AJAP1: variants seen among roughly 807,000 people sequenced by gnomAD.
The protein encoded by AJAP1 is adherens junctions associated protein 1.
In AJAP1, 5 loss-of-function variants were observed where a neutral mutation model predicts 35.0. The ratio of observed to expected loss-of-function variants is 0.14; its 90% confidence interval spans 0.07 to 0.30. The LOEUF is 0.30. Among genes scored for constraint, AJAP1 ranks in the 10% least tolerant of loss-of-function variants. AJAP1 has a pLI of 1.00. For missense variants in AJAP1, 586 were observed against 571.0 expected (o/e 1.03, Z -0.27); for synonymous variants, 284 against 249.3 (o/e 1.14, Z -1.31).
At chr1:4,756,448 C>G (rs1641434913) in intron 2 of AJAP1, among the ~76,000 whole-genome samples, 1 of 152,202 alleles carries the variant, frequency 6.6e-6, no homozygotes, top group Non-Finnish European at 1.5e-5. Flanking sequence ...GACCAAGATT[C>G]AGCAGCAAGT....
intron 1 of AJAP1, among the ~76,000 whole-genome samples, chr1:4,702,875 G>C (rs572030687): frequency 6.6e-6 from 1 of 152,328 alleles, no homozygotes; most frequent in Non-Finnish European, 1.5e-5. Context: ...GGGGCATTGG[G>C]AGGCAAGCCC....
At chr1:4,762,621 C>G (rs1199304144) in intron 2 of AJAP1, among the ~76,000 whole-genome samples, 1 of 152,240 alleles carries the variant, frequency 6.6e-6, no homozygotes, top group African/African-American at 2.4e-5. Context: ...CCCCTGGACT[C>G]TGTCCCATGC....
intron 2 of AJAP1, among the ~76,000 whole-genome samples, chr1:4,724,168 C>T (rs1366775490): frequency 1.3e-5 from 2 of 152,176 alleles, no homozygotes; most frequent in Non-Finnish European, 2.9e-5. Context: ...ACAGAGGTCA[C>T]GTGTGGTGGC....
chr1:4,691,682 CA>C (rs1411714787), intron 1 of AJAP1, among the ~76,000 whole-genome samples: 2 of 152,084 alleles, frequency 1.3e-5, no homozygotes, highest in Non-Finnish European at 2.9e-5. Context: ...CTCCAGGAGT[CA>C]GGGGGGCTTA....
rs1640320142 is a variant in AJAP1, at chr1:4,713,639, C to G, written c.829+940C>G. On this transcript the variant is annotated intron_variant, in intron 2 of 5. Transcript: ENST00000378191. ...TGGGCACCCCGTCACCCTCACCTCC[C>G]TCCAGTTTTCTCTGCCTCTGTTAAC... Among the ~76,000 whole-genome samples the G allele has an allele frequency of 2.6e-5, 4 of 152,258 alleles. No homozygotes were observed. The South Asian group carries it at 8.3e-4, about 31-fold the overall frequency.
At chr1:4,707,972 T>TG (rs1195425188) in intron 1 of AJAP1, among the ~76,000 whole-genome samples, 2 of 115,386 alleles carry the variant, frequency 1.7e-5, no homozygotes, top group African/African-American at 6.3e-5. Context: ...CGTTTTTTTT[T>TG]TGTTTTTTTT....
At chr1:4,661,539 G>A (rs571516735) in intron 1 of AJAP1, among the ~76,000 whole-genome samples, 78 of 152,322 alleles carry the variant, frequency 5.1e-4, no homozygotes, top group Non-Finnish European at 1.0e-3. Flanking sequence ...GGACTCGAAG[G>A]TCCATTCGTG....
chr1:4,684,633 C>T (rs1316156126), intron 1 of AJAP1, among the ~76,000 whole-genome samples: 4 of 152,148 alleles, frequency 2.6e-5, no homozygotes, highest in South Asian at 2.1e-4. Context: ...TGCAGGCACT[C>T]GCAGCTTCTC....
intron 2 of AJAP1, among the ~76,000 whole-genome samples, chr1:4,753,882 T>A (rs866139532): frequency 6.6e-6 from 1 of 152,248 alleles, no homozygotes; most frequent in African/African-American, 2.4e-5. Context: ...TAACTGCTGT[T>A]TTAAAGGTGG....
chr1:4,678,601 G>T (rs1342165098), intron 1 of AJAP1, among the ~76,000 whole-genome samples: 1 of 152,208 alleles, frequency 6.6e-6, no homozygotes, highest in African/African-American at 2.4e-5. Context: ...AAGCCAGCAA[G>T]GGAGAGAGTA....
In AJAP1 at chr1:4,787,395, C is replaced by T. The variant is rs190591154; in HGVS notation, c.*4910C>T. On this transcript the variant is annotated 3_prime_UTR_variant, in exon 6 of 6. Transcript: ENST00000378191. The stretch of plus-strand genomic sequence containing the variant: ...AAGAAAGAGAGGCAGGGGTTGTCTA[C>T]GTCTCCTCCTCCTGCGACCCATCAC... The T allele has an allele frequency of 1.2e-4, 33 of 273,372 alleles. No individual in the cohort carries two copies. The highest frequency in any genetic ancestry group is 5.0e-4 in the African/African-American group (22 of 43,718). 16.9% of individuals were successfully genotyped at this position (273,372 alleles called of 1,614,324 possible). A position where few individuals can be genotyped will look rare whatever the true frequency, so the allele number is the denominator to read the frequency against.
intron 2 of AJAP1, among the ~76,000 whole-genome samples, chr1:4,742,513 T>G (rs1168221916): frequency 2.0e-5 from 3 of 152,092 alleles, no homozygotes. Context: ...TGGGGTCTCT[T>G]TGCATGCTTG....
At chr1:4,674,111 A>T (rs1236057958) in intron 1 of AJAP1, among the ~76,000 whole-genome samples, 1 of 149,724 alleles carries the variant, frequency 6.7e-6, no homozygotes, top group Non-Finnish European at 1.5e-5. Context: ...GTTACTGGGC[A>T]TTCTATATTT....
intron 2 of AJAP1, among the ~76,000 whole-genome samples, chr1:4,722,353 G>A (rs945773157): frequency 3.3e-4 from 50 of 152,310 alleles, no homozygotes; most frequent in African/African-American, 1.2e-3. Context: ...TCCTGTGCAC[G>A]GCAGGACCTG....
At chr1:4,683,435 AG>A (rs1238084620) in intron 1 of AJAP1, among the ~76,000 whole-genome samples, 2 of 152,162 alleles carry the variant, frequency 1.3e-5, no homozygotes, top group African/African-American at 4.8e-5. Context: ...TACCAGTTCC[AG>A]GTGACGCTGG....
chr1:4,676,130 C>T (rs1639356897), intron 1 of AJAP1, among the ~76,000 whole-genome samples: 2 of 152,122 alleles, frequency 1.3e-5, no homozygotes, highest in Admixed American at 6.5e-5. Context: ...GGATCCCCGG[C>T]GAGTTCATGA....
chr1:4,765,819 T>A (rs1641671631), intron 2 of AJAP1, among the ~76,000 whole-genome samples: 1 of 152,190 alleles, frequency 6.6e-6, no homozygotes. Flanking sequence ...AGTGACTTAT[T>A]ATCAAGTGGC....
intron 1 of AJAP1, among the ~76,000 whole-genome samples, chr1:4,664,756 G>A (rs1372012208): frequency 6.6e-6 from 1 of 152,108 alleles, no homozygotes; most frequent in Non-Finnish European, 1.5e-5. Flanking sequence ...CACCCTACCA[G>A]GCTGACTACA....
chr1:4,736,674 C>T (rs1640932591), intron 2 of AJAP1, among the ~76,000 whole-genome samples: 1 of 152,184 alleles, frequency 6.6e-6, no homozygotes, highest in Non-Finnish European at 1.5e-5. Context: ...TAGCACACGG[C>T]AGAGCAATTT....
Sources: gnomAD v4.1 joint callset for allele counts (sites outside exome capture counted in the v4.1 genomes callset) on GRCh38, gnomAD v4.1.1 for gene constraint, MANE v1.5 for transcripts, NCBI Gene and HGNC (gene_info 2026-07-23, HGNC 2026-07-21) for gene names.